NFKB1: variants seen among roughly 807,000 people sequenced by gnomAD.
NFKB1 encodes the protein nuclear factor NF-kappa-B p105 subunit.
NFKB1 carries 9 observed loss-of-function variants against 105.1 expected under a neutral mutation model. The ratio of observed to expected loss-of-function variants is 0.09; its 90% CI spans 0.05 to 0.15. The LOEUF is 0.15. Among genes scored for constraint, NFKB1 ranks in the 10% least tolerant of loss-of-function variants. The pLI, the probability that NFKB1 is intolerant of heterozygous loss-of-function variation, is 1.00. For missense variants in NFKB1, 830 were observed against 1,203.7 expected (o/e 0.69, Z 4.59); for synonymous variants, 440 against 442.2 (o/e 1.00, Z 0.06).
At chr4:102,553,649 G>A (rs1171456510) in intron 5 of NFKB1, among the ~76,000 whole-genome samples, 3 of 152,030 alleles carry the variant, frequency 2.0e-5, no homozygotes, top group South Asian at 4.1e-4. Context: ...CTTTGTTTGC[G>A]TGTCTTTTTT....
intron 11 of NFKB1, among the ~76,000 whole-genome samples, chr4:102,592,952 T>C (rs1285530350): frequency 6.6e-6 from 1 of 152,214 alleles, no homozygotes; most frequent in Non-Finnish European, 1.5e-5. Context: ...TTTCCCCCAC[T>C]ATCTTAAAAT....
intron 1 of NFKB1, among the ~76,000 whole-genome samples, chr4:102,524,646 T>C (rs768718387): frequency 1.3e-5 from 2 of 152,132 alleles, no homozygotes; most frequent in African/African-American, 4.8e-5. Flanking sequence ...TAATGTAGAA[T>C]CAGTAGGAGA....
chr4:102,516,030 T>C (rs559209570), intron 1 of NFKB1, among the ~76,000 whole-genome samples: 1 of 152,310 alleles, frequency 6.6e-6, no homozygotes, highest in South Asian at 2.1e-4. Flanking sequence ...CCAATCTTTT[T>C]TTTTCTTTTA....
Position 102,537,781 on chromosome 4 carries a change from A to C in NFKB1, c.160-77A>C. On this transcript the variant is annotated intron_variant, in intron 4 of 23. Transcript: ENST00000226574. ...CATTTAGTAGACATAAGATTTAAAAATTTGTATGTACCTTTGTTGCCGTAA... is the reference window on the plus strand; with the variant it reads ...CATTTAGTAGACATAAGATTTAAAACTTTGTATGTACCTTTGTTGCCGTAA... 3.7e-6 allele frequency: 3 copies of C among 804,192 alleles called. No homozygotes were observed. The South Asian group carries it at 5.2e-5, about 14-fold the overall frequency. 49.8% of individuals were successfully genotyped at this position (804,192 alleles called of 1,614,324 possible).
In NFKB1 at chr4:102,586,342, C is replaced by A. The variant is rs151257355; in HGVS notation, c.1066+1522C>A. On this transcript the variant is annotated intron_variant, in intron 11 of 23. Transcript: ENST00000226574. ...TGACTTGATGAAAGGAACAAGGGAGCAAAAGTAGATTTGGGTGGGAAAAGA... is the reference window on the plus strand; with the variant it reads ...TGACTTGATGAAAGGAACAAGGGAGAAAAAGTAGATTTGGGTGGGAAAAGA... 2.8e-3 allele frequency among the ~76,000 whole-genome samples: 432 copies of A among 152,020 alleles called. 2 individuals are homozygous for A. The highest frequency in any genetic ancestry group is 0.01 in the African/African-American group (417 of 41,464).
chr4:102,589,996 A>G (rs982656892), intron 11 of NFKB1, among the ~76,000 whole-genome samples: 2 of 152,282 alleles, frequency 1.3e-5, no homozygotes, highest in South Asian at 2.1e-4. Context: ...AAGAAAAGCA[A>G]TCAGAAGTCT....
At chr4:102,559,399 T>C (rs529924436) in intron 5 of NFKB1, among the ~76,000 whole-genome samples, 1 of 152,004 alleles carries the variant, frequency 6.6e-6, no homozygotes, top group South Asian at 2.1e-4. Context: ...AGACATGGCA[T>C]GGCATGACAT....
At chr4:102,508,716 G>A (rs1276768173) in intron 1 of NFKB1, among the ~76,000 whole-genome samples, 1 of 152,116 alleles carries the variant, frequency 6.6e-6, no homozygotes, top group African/African-American at 2.4e-5. Flanking sequence ...TTGTATATGT[G>A]TATGTGATTT....
intron 1 of NFKB1, among the ~76,000 whole-genome samples, chr4:102,523,061 C>A (rs149831163): frequency 2.2e-4 from 34 of 152,234 alleles, no homozygotes; most frequent in African/African-American, 8.2e-4. Flanking sequence ...CTAATCTCAA[C>A]AAGGTTATAT....
chr4:102,530,101 A>G (rs1341699179), intron 3 of NFKB1, among the ~76,000 whole-genome samples, 187 bp downstream of exon 3: 1 of 152,084 alleles, frequency 6.6e-6, no homozygotes, highest in Non-Finnish European at 1.5e-5. Flanking sequence ...CATCTCAATT[A>G]CCCCTTGTAT....
chr4:102,545,762 A>G (rs1021785197), intron 5 of NFKB1, among the ~76,000 whole-genome samples: 5 of 152,124 alleles, frequency 3.3e-5, no homozygotes, highest in Non-Finnish European at 7.4e-5. Context: ...TGCATCATCT[A>G]GCCAATCTTG....
chr4:102,606,394 C>T, intron 16 of NFKB1, 102 bp from the exon 17 acceptor site: 2 of 1,091,770 alleles, frequency 1.8e-6, no homozygotes, highest in Non-Finnish European at 2.8e-6. Context: ...AGAAATATTC[C>T]TGCAGTATGG....
chr4:102,592,858 A>G (rs1726287067), intron 11 of NFKB1, among the ~76,000 whole-genome samples: 1 of 152,152 alleles, frequency 6.6e-6, no homozygotes, highest in South Asian at 2.1e-4. Flanking sequence ...GTGAACTCCT[A>G]AAAGGTTTTC....
intron 9 of NFKB1, 78 bp downstream of exon 9, chr4:102,580,717 C>T (rs55823332): frequency 8.5e-7 from 1 of 1,183,428 alleles, no homozygotes; most frequent in Admixed American, 1.9e-5. Context: ...CTGTGAGTCA[C>T]ATTTCAGCAG....
intron 5 of NFKB1, among the ~76,000 whole-genome samples, chr4:102,562,001 C>T (rs1356592377): frequency 6.6e-6 from 1 of 152,106 alleles, no homozygotes; most frequent in Admixed American, 6.6e-5. Flanking sequence ...GATTCAGGTT[C>T]AGGTCTTCCT....
intron 5 of NFKB1, among the ~76,000 whole-genome samples, chr4:102,561,026 A>G (rs1009078465): frequency 6.6e-6 from 1 of 152,192 alleles, no homozygotes; most frequent in African/African-American, 2.4e-5. Flanking sequence ...TGGATCACTG[A>G]CTAGATCAAC....
At chr4:102,534,045 A>C (rs368941832) in intron 4 of NFKB1, among the ~76,000 whole-genome samples, 160 bp downstream of exon 4, 2 of 152,172 alleles carry the variant, frequency 1.3e-5, no homozygotes, top group African/African-American at 2.4e-5. Flanking sequence ...TTCACTTTAC[A>C]TTTCTCTTAC....
At chr4:102,534,820 A>G (rs1403877168) in intron 4 of NFKB1, among the ~76,000 whole-genome samples, 2 of 152,188 alleles carry the variant, frequency 1.3e-5, no homozygotes, top group African/African-American at 2.4e-5. Context: ...TGCATTTTGT[A>G]ACATTTAACA....
rs1311577382 is a variant in NFKB1, at chr4:102,502,390, G to GCGCGCACA, written c.-8+603_-8+604insGCGCACAC. Reference sequence around the variant, plus strand: ...CCCCCCTCCGTGCGCGCGCGCGCGCGCACACACACACACACACACACACAC... The same window carrying GCGCGCACA: ...CCCCCCTCCGTGCGCGCGCGCGCGCGCGCGCACACACACACACACACACACACACACAC... On this transcript the variant is annotated intron_variant, in intron 1 of 23. Coordinates refer to ENST00000226574, the MANE Select transcript of NFKB1 (RefSeq NM_003998.4). Among the ~76,000 whole-genome samples, 627 of 105,352 alleles carry GCGCGCACA rather than the reference G, an allele frequency of 6.0e-3. 5 individuals are homozygous for GCGCGCACA. The highest frequency in any genetic ancestry group is 0.013 in the African/African-American group (315 of 24,000). The allele number at this position is 105,352 out of a possible 152,430, so 69.1% of individuals were successfully genotyped here.
Sources: gnomAD v4.1 joint callset for allele counts (sites outside exome capture counted in the v4.1 genomes callset) on GRCh38, gnomAD v4.1.1 for gene constraint, MANE v1.5 for transcripts, NCBI Gene and HGNC (gene_info 2026-07-23, HGNC 2026-07-21) for gene names.